Variants in UBE2E2 observed in about 807,000 individuals in gnomAD.
UBE2E2 encodes the protein ubiquitin conjugating enzyme E2 E2, also known as ubiquitin-conjugating enzyme E2 E2.
UBE2E2 carries 6 observed loss-of-function variants against 24.7 expected under a neutral mutation model. That is an observed-to-expected ratio of 0.24 (90% CI 0.13 to 0.48). The LOEUF (loss-of-function observed/expected upper bound fraction) is 0.48, where lower values mean the gene tolerates loss of function less well. Ranked by LOEUF, UBE2E2 falls within the 20% of genes least tolerant of loss-of-function variation. The pLI, the probability that UBE2E2 is intolerant of heterozygous loss-of-function variation, is 0.99. For synonymous variants in UBE2E2, 104 were observed against 83.6 expected (o/e 1.24, Z -1.33); for missense variants, 169 against 245.0 (o/e 0.69, Z 2.07).
intron 3 of UBE2E2, among the ~76,000 whole-genome samples, chr3:23,268,389 A>G (rs1186304752): frequency 6.6e-6 from 1 of 152,104 alleles, no homozygotes; most frequent in Non-Finnish European, 1.5e-5. Flanking sequence ...TACAAAAATC[A>G]CAAGCATTCT....
chr3:23,240,872 T>C (rs1254084983), intron 3 of UBE2E2, among the ~76,000 whole-genome samples: 4 of 152,226 alleles, frequency 2.6e-5, no homozygotes, highest in Non-Finnish European at 2.9e-5. Flanking sequence ...ATGTGCTAAA[T>C]GAAGGTTAAT....
At chr3:23,312,283 C>A (rs922772565) in intron 3 of UBE2E2, among the ~76,000 whole-genome samples, 59 of 151,998 alleles carry the variant, frequency 3.9e-4, no homozygotes, top group African/African-American at 1.4e-3. Context: ...TATAGCAATG[C>A]GAGAACAGAC....
At chr3:23,352,732 G>A (rs1264304244) in intron 3 of UBE2E2, among the ~76,000 whole-genome samples, 2 of 152,098 alleles carry the variant, frequency 1.3e-5, no homozygotes, top group African/African-American at 2.4e-5. Flanking sequence ...TGAAATTGTG[G>A]CAATAATCAA....
chr3:23,272,993 A>G, intron 3 of UBE2E2, among the ~76,000 whole-genome samples: 1 of 152,084 alleles, frequency 6.6e-6, no homozygotes, highest in East Asian at 1.9e-4. Context: ...AACTGATTGG[A>G]TAAGGGCGAC....
chr3:23,478,228 A>T (rs1316194335), intron 3 of UBE2E2, among the ~76,000 whole-genome samples: 1 of 152,236 alleles, frequency 6.6e-6, no homozygotes, highest in Non-Finnish European at 1.5e-5. Flanking sequence ...CCTAGTATGC[A>T]AAGATAAGTA....
At chr3:23,284,248 TGAA>T in intron 3 of UBE2E2, among the ~76,000 whole-genome samples, 1 of 152,290 alleles carries the variant, frequency 6.6e-6, no homozygotes, top group Middle Eastern at 3.4e-3. Flanking sequence ...TTTATATTAT[TGAA>T]GAGACAATTT....
At chr3:23,473,709 T>C (rs1699072565) in intron 3 of UBE2E2, among the ~76,000 whole-genome samples, 1 of 152,152 alleles carries the variant, frequency 6.6e-6, no homozygotes, top group Non-Finnish European at 1.5e-5. Flanking sequence ...CCTGAGTTAC[T>C]TCACTTAGAA....
At chr3:23,294,241 G>C (rs1698845891) in intron 3 of UBE2E2, among the ~76,000 whole-genome samples, 1 of 152,130 alleles carries the variant, frequency 6.6e-6, no homozygotes, top group Non-Finnish European at 1.5e-5. Flanking sequence ...AACAAAGATA[G>C]ATAAAAAGCA....
chr3:23,522,411 C>T (rs1468824611), intron 4 of UBE2E2, among the ~76,000 whole-genome samples: 1 of 152,244 alleles, frequency 6.6e-6, no homozygotes, highest in Admixed American at 6.5e-5. Context: ...GGATTACAGG[C>T]GTGAGCCACC....
chr3:23,414,545 A>G (rs561193350), intron 3 of UBE2E2, among the ~76,000 whole-genome samples: 1 of 152,324 alleles, frequency 6.6e-6, no homozygotes, highest in South Asian at 2.1e-4. Context: ...TTGGGTGGGG[A>G]CACAGATTCA....
chr3:23,311,007 C>T (rs1255125147), intron 3 of UBE2E2, among the ~76,000 whole-genome samples: 1 of 152,138 alleles, frequency 6.6e-6, no homozygotes, highest in Non-Finnish European at 1.5e-5. Context: ...TCCCTCCCTC[C>T]TGCCGCCACC....
intron 3 of UBE2E2, among the ~76,000 whole-genome samples, chr3:23,316,984 G>C (rs1694598715): frequency 6.6e-6 from 1 of 152,120 alleles, no homozygotes; most frequent in South Asian, 2.1e-4. Context: ...CAAGTTATAA[G>C]TCAAAGTCCT....
At chr3:23,440,847 T>C (rs1033180303) in intron 3 of UBE2E2, among the ~76,000 whole-genome samples, 7 of 152,188 alleles carry the variant, frequency 4.6e-5, no homozygotes, top group African/African-American at 1.7e-4. Context: ...CCCAACTTTT[T>C]TTCCTGCTCT....
At chr3:23,363,729 G>A (rs1696186014) in intron 3 of UBE2E2, among the ~76,000 whole-genome samples, 1 of 152,140 alleles carries the variant, frequency 6.6e-6, no homozygotes, top group Non-Finnish European at 1.5e-5. Context: ...GACACTATTA[G>A]AAGATCATGG....
intron 3 of UBE2E2, among the ~76,000 whole-genome samples, chr3:23,224,095 A>G (rs976146023): frequency 1.2e-4 from 18 of 144,126 alleles, no homozygotes; most frequent in African/African-American, 4.3e-4. Context: ...CTCCAGCTTC[A>G]TTCTTTTTGC....
chr3:23,327,118 G>A (rs1466043376), intron 3 of UBE2E2, among the ~76,000 whole-genome samples: 1 of 152,174 alleles, frequency 6.6e-6, no homozygotes, highest in Non-Finnish European at 1.5e-5. Flanking sequence ...ATTGTGAATA[G>A]TGCTGCAATA....
chr3:23,271,673 A>G (rs1173794293), intron 3 of UBE2E2, among the ~76,000 whole-genome samples: 1 of 152,182 alleles, frequency 6.6e-6, no homozygotes, highest in African/African-American at 2.4e-5. Context: ...ACAATCCTCT[A>G]GCTAGATGTA....
At chr3:23,503,974 A>C (rs1283138867) in intron 4 of UBE2E2, among the ~76,000 whole-genome samples, 1 of 151,694 alleles carries the variant, frequency 6.6e-6, no homozygotes, top group East Asian at 1.9e-4. Context: ...TATTTGTTAC[A>C]TAATTAAAAA....
At chr3:23,349,922 G>T (rs1695685150) in intron 3 of UBE2E2, among the ~76,000 whole-genome samples, 1 of 152,248 alleles carries the variant, frequency 6.6e-6, no homozygotes, top group African/African-American at 2.4e-5. Context: ...AGAACGGGCA[G>T]ACTGCCTCCT....
Sources: gnomAD v4.1 joint callset for allele counts (sites outside exome capture counted in the v4.1 genomes callset) on GRCh38, gnomAD v4.1.1 for gene constraint, MANE v1.5 for transcripts, NCBI Gene and HGNC (gene_info 2026-07-23, HGNC 2026-07-21) for gene names.